The following CALCRL variants were observed in gnomAD, a reference collection of about 807,000 sequenced individuals.
The protein encoded by CALCRL is calcitonin receptor like receptor.
Under a neutral mutation model 60.4 loss-of-function variants are expected in CALCRL, and 27 were observed. The observed-to-expected ratio is 0.45, with a 90% CI of 0.33 to 0.62. The LOEUF is 0.62. CALCRL is among the 20% of genes least tolerant of loss of function. The probability of loss-of-function intolerance (pLI) is 0.03; values close to 1 mark genes in which losing one functional copy is unlikely to be tolerated. For missense variants in CALCRL, 424 were observed against 540.7 expected, an observed-to-expected ratio of 0.78 and a Z score of 2.14; for synonymous variants, 190 against 182.6, an observed-to-expected ratio of 1.04 and a Z score of -0.33.
In CALCRL at chr2:187,346,197, T is replaced by C; in HGVS notation, c.1373A>G (p.Asn458Ser). ...ATCCTTCTATTTTCAATTATATAAA[T>C]TTTCTGGTTTTAAGAGAACATTTTC... ...DIENVLLKPE[N>S]LYN Residue 458 changes from asparagine to serine, a missense_variant, in exon 15 of 15, where the codon AAT becomes AGT. Asn to Ser is a conservative substitution (Grantham distance 46). This residue lies in a region of CALCRL where 222 missense variants were observed against 265.6 expected (regional missense o/e 0.84). Coordinates refer to ENST00000392370, the MANE Select transcript of CALCRL (RefSeq NM_005795.6). 1 of 1,597,232 alleles carries C rather than the reference T, an allele frequency of 6.3e-7. No homozygotes were observed. The highest frequency in any genetic ancestry group is 8.6e-7 in the Non-Finnish European group (1 of 1,167,276).
chr2:187,346,266 T>TC lies in CALCRL; in HGVS notation c.1303dup (p.Asp435GlyfsTer4). 1 of 1,612,402 alleles carries TC rather than the reference T, an allele frequency of 6.2e-7. No individual in the cohort carries two copies. The highest frequency in any genetic ancestry group is 8.5e-7 in the Non-Finnish European group (1 of 1,178,956). ...TCCATTTAAGTGTTCACTAGGACAG[T>TC]CATGACTATAACCTGGACCATCACT... On this transcript the variant is annotated frameshift_variant, in exon 15 of 15. Coordinates refer to ENST00000392370, the MANE Select transcript of CALCRL (RefSeq NM_005795.6). LOFTEE classifies it high-confidence loss of function.
At chr2:187,374,249 A>G (rs769878504) in intron 8 of CALCRL, among the ~76,000 whole-genome samples, 2 of 152,156 alleles carry the variant, frequency 1.3e-5, no homozygotes, top group Non-Finnish European at 2.9e-5. Flanking sequence ...AATGCTATAC[A>G]TGAGTTTTAC....
intron 2 of CALCRL, 61 bp downstream of exon 2, chr2:187,387,603 TAA>T: frequency 2.6e-6 from 1 of 388,386 alleles, no homozygotes; most frequent in Non-Finnish European, 4.5e-6. Context: ...CAGTAATTAA[TAA>T]GTTAATATTT....
Position 187,385,762 on chromosome 2 carries a change from T to A in CALCRL, c.-36-131A>T, listed in dbSNP as rs1236815856. ...TTTACTTTAAAGATTTGATAAATCA[T>A]TTTTTTTAAGACAAGGTCTCACTCT... On this transcript the variant is annotated intron_variant, in intron 3 of 14. Coordinates refer to ENST00000392370, the MANE Select transcript of CALCRL (RefSeq NM_005795.6). 5.2e-6 allele frequency: 3 copies of A among 575,804 alleles called. No homozygotes were observed. In the East Asian group the frequency reaches 1.0e-4, roughly 19 times the overall value. The allele number at this position is 575,804 out of a possible 1,614,324, so 35.7% of individuals were successfully genotyped here.
At chr2:187,364,161 G>A (rs191017481) in intron 8 of CALCRL, among the ~76,000 whole-genome samples, 13 of 138,580 alleles carry the variant, frequency 9.4e-5, no homozygotes, top group Admixed American at 6.1e-4. Flanking sequence ...ACAAAAGAGA[G>A]TTCACTGTGT....
intron 1 of CALCRL, among the ~76,000 whole-genome samples, chr2:187,409,981 T>G (rs1424542696): frequency 2.0e-5 from 3 of 152,128 alleles, no homozygotes; most frequent in South Asian, 4.1e-4. Context: ...GCAGGGAGTT[T>G]GATGACTTGT....
At position 187,418,275 on chromosome 2, in the gene CALCRL, G is replaced by C. The variant is rs140945070; in HGVS notation, c.-293+29764C>G. Among the ~76,000 whole-genome samples the C allele has an allele frequency of 4.1e-3, 625 of 152,222 alleles. 11 individuals carry two copies. The highest frequency in any genetic ancestry group is 0.031 in the Admixed American group (477 of 15,294). On this transcript the variant is annotated intron_variant, in intron 1 of 14. Transcript: ENST00000392370. ...AAGTTATTCTTCACACCTATATTTA[G>C]AGATGCAGCTGAAGCTTAAAAATAT...
At chr2:187,363,917 A>T (rs183399516) in intron 8 of CALCRL, among the ~76,000 whole-genome samples, 2 of 152,162 alleles carry the variant, frequency 1.3e-5, no homozygotes, top group Admixed American at 6.5e-5. Flanking sequence ...AACTTTTTTC[A>T]TTACACCATA....
At chr2:187,447,108 C>G (rs1216272955) in intron 1 of CALCRL, among the ~76,000 whole-genome samples, 1 of 152,012 alleles carries the variant, frequency 6.6e-6, no homozygotes, top group African/African-American at 2.4e-5. Flanking sequence ...TCTGTACTAT[C>G]GGAATGAGCA....
At position 187,383,107 on chromosome 2, in the gene CALCRL, T is replaced by C. The variant is rs1328197350; in HGVS notation, c.184+66A>G. 3 of 1,488,328 alleles carry C rather than the reference T, an allele frequency of 2.0e-6. No individual in the cohort carries two copies. The Admixed American group carries it at 5.7e-5, about 28-fold the overall frequency. 92.2% of individuals were successfully genotyped at this position (1,488,328 alleles called of 1,614,324 possible). ...AATGGACCTAAAGCACTTATAATGA[T>C]ATAATGGGAGTAGTTTTCTTTTAAA... On this transcript the variant is annotated intron_variant, in intron 5 of 14. Transcript: ENST00000392370.
intron 1 of CALCRL, among the ~76,000 whole-genome samples, chr2:187,416,320 T>C (rs1465504282): frequency 6.6e-6 from 1 of 152,172 alleles, no homozygotes; most frequent in East Asian, 1.9e-4. Flanking sequence ...TGTGTGTAAA[T>C]ATCTAAAATT....
At chr2:187,418,330 G>C (rs2105866143) in intron 1 of CALCRL, among the ~76,000 whole-genome samples, 1 of 152,264 alleles carries the variant, frequency 6.6e-6, no homozygotes, top group East Asian at 1.9e-4. Context: ...TATAAAAATA[G>C]AGCGTTCTAA....
At chr2:187,371,751 AGATT>A (rs1268824871) in intron 8 of CALCRL, among the ~76,000 whole-genome samples, 2 of 151,922 alleles carry the variant, frequency 1.3e-5, no homozygotes, top group Non-Finnish European at 2.9e-5. Context: ...TTTAAAGAAA[AGATT>A]AATCGTGCAC....
chr2:187,424,448 A>G (rs911006105), intron 1 of CALCRL, among the ~76,000 whole-genome samples: 5 of 134,302 alleles, frequency 3.7e-5, no homozygotes, highest in Admixed American at 2.9e-4. Context: ...AATACTTTAC[A>G]TAGAAATGTG....
intron 1 of CALCRL, among the ~76,000 whole-genome samples, chr2:187,422,836 T>G (rs1417772879): frequency 1.3e-5 from 2 of 152,032 alleles, no homozygotes; most frequent in African/African-American, 4.8e-5. Context: ...ATTACTATTC[T>G]GTTTCTTTTA....
At chr2:187,371,403 A>G (rs1687513144) in intron 8 of CALCRL, among the ~76,000 whole-genome samples, 1 of 152,052 alleles carries the variant, frequency 6.6e-6, no homozygotes, top group Admixed American at 6.6e-5. Context: ...AGGCAGTGAC[A>G]GGTATGCTGT....
At chr2:187,359,788 T>C (rs1490532284) in intron 10 of CALCRL, among the ~76,000 whole-genome samples, 4 of 152,080 alleles carry the variant, frequency 2.6e-5, no homozygotes, top group Admixed American at 6.6e-5. Context: ...CTAAATCAGC[T>C]CTTCCAAATA....
At chr2:187,400,058 A>T (rs571813976) in intron 1 of CALCRL, among the ~76,000 whole-genome samples, 1 of 151,572 alleles carries the variant, frequency 6.6e-6, no homozygotes, top group East Asian at 1.9e-4. Flanking sequence ...AGTTAAAAAT[A>T]ATTTATATTT....
intron 8 of CALCRL, among the ~76,000 whole-genome samples, chr2:187,378,546 T>C (rs1317135513): frequency 6.6e-6 from 1 of 152,122 alleles, no homozygotes; most frequent in Admixed American, 6.5e-5. Context: ...GTTAAATGCC[T>C]TTGCTATTAT....
Sources: allele counts gnomAD v4.1 joint callset (sites outside exome capture counted in the v4.1 genomes callset), GRCh38; gene constraint gnomAD v4.1.1; regional missense constraint gnomAD v4.1.1; transcripts MANE v1.5; gene names NCBI Gene and HGNC (gene_info 2026-07-23, HGNC 2026-07-21).